SUSD1: variants seen among roughly 807,000 people sequenced by gnomAD.
The protein encoded by SUSD1 is sushi domain containing 1, also known as sushi domain-containing protein 1.
SUSD1 carries 65 observed loss-of-function variants against 86.9 expected under a neutral mutation model. The ratio of observed to expected loss-of-function variants is 0.75; its 90% CI spans 0.61 to 0.92. The LOEUF is 0.92. SUSD1 is among the 40% of genes least tolerant of loss of function. SUSD1 has a pLI of 0.00. For missense variants in SUSD1, 850 were observed against 929.7 expected, an observed-to-expected ratio of 0.91 and a Z score of 1.11; for synonymous variants, 346 against 350.0, an observed-to-expected ratio of 0.99 and a Z score of 0.13.
At chr9:112,143,691 A>G (rs1450022611) in intron 3 of SUSD1, 68 bp from the exon 4 acceptor site, 1 of 1,457,994 alleles carries the variant, frequency 6.9e-7, no homozygotes, top group African/African-American at 1.4e-5. Context: ...AGGAGAGGAT[A>G]TTGTGACAGC....
At chr9:112,045,365 C>T (rs1299171383) in intron 15 of SUSD1, among the ~76,000 whole-genome samples, 1 of 152,080 alleles carries the variant, frequency 6.6e-6, no homozygotes, top group Non-Finnish European at 1.5e-5. Flanking sequence ...GACAGAAATC[C>T]ATATCATGCA....
intron 12 of SUSD1, 51 bp from the exon 13 acceptor site, chr9:112,063,084 A>G (rs758313154): frequency 8.2e-7 from 1 of 1,222,464 alleles, no homozygotes; most frequent in South Asian, 1.2e-5. Flanking sequence ...ACAAGTAAAC[A>G]GCAGGACAAA....
intron 1 of SUSD1, among the ~76,000 whole-genome samples, chr9:112,167,964 C>A (rs1432572031): frequency 6.6e-6 from 1 of 152,174 alleles, no homozygotes; most frequent in African/African-American, 2.4e-5. Flanking sequence ...ACCATCAGAT[C>A]TTGTGAGACT....
intron 10 of SUSD1, among the ~76,000 whole-genome samples, chr9:112,081,271 G>A (rs1437616613): frequency 6.6e-6 from 1 of 152,218 alleles, no homozygotes; most frequent in African/African-American, 2.4e-5. Flanking sequence ...AGGTAAGGCT[G>A]TATTTTGTAA....
At chr9:112,058,790 T>TTTTTTTG (rs1463563587) in intron 13 of SUSD1, 104 bp from the exon 14 acceptor site, 10 of 1,438,374 alleles carry the variant, frequency 7.0e-6, no homozygotes, top group Non-Finnish European at 9.2e-6. Context: ...TCTTTCTTTG[T>TTTTTTTG]TTTTTTGTTT....
chr9:112,080,308 T>C, intron 10 of SUSD1, 143 bp from the exon 11 acceptor site: 1 of 588,962 alleles, frequency 1.7e-6, no homozygotes, highest in South Asian at 1.9e-5. Context: ...AGTCTCAAAG[T>C]AATACCACTT....
chr9:112,170,243 T>C (rs1833981629), intron 1 of SUSD1, among the ~76,000 whole-genome samples: 1 of 152,174 alleles, frequency 6.6e-6, no homozygotes, highest in Non-Finnish European at 1.5e-5. Flanking sequence ...ATTTCTCTTC[T>C]TTCCTCCTGT....
chr9:112,130,748 G>T (rs543871814), intron 5 of SUSD1, among the ~76,000 whole-genome samples: 2 of 151,778 alleles, frequency 1.3e-5, no homozygotes, highest in African/African-American at 4.8e-5. Context: ...AAGTAGCCAG[G>T]CAAGGTGGCT....
intron 8 of SUSD1, among the ~76,000 whole-genome samples, chr9:112,108,824 AGAG>A (rs796337734): frequency 1.3e-3 from 152 of 115,276 alleles, no homozygotes; most frequent in Non-Finnish European, 2.7e-3. Flanking sequence ...AAAAAAAAAA[AGAG>A]AGAGAGAAAC....
At chr9:112,087,353 TG>T (rs557367286) in intron 10 of SUSD1, among the ~76,000 whole-genome samples, 169 of 152,232 alleles carry the variant, frequency 1.1e-3, no homozygotes, top group Middle Eastern at 3.4e-3. Flanking sequence ...GGCTAATTTT[TG>T]TATCTTTAGT....
chr9:112,165,989 G>T (rs1266057922), intron 1 of SUSD1, among the ~76,000 whole-genome samples: 1 of 151,558 alleles, frequency 6.6e-6, no homozygotes, highest in Non-Finnish European at 1.5e-5. Flanking sequence ...AAGAAAGAAA[G>T]AAAGAAAATA....
chr9:112,056,116 A>G (rs1188221148), intron 14 of SUSD1, among the ~76,000 whole-genome samples: 1 of 152,186 alleles, frequency 6.6e-6, no homozygotes, highest in Non-Finnish European at 1.5e-5. Flanking sequence ...AAAATTAAAA[A>G]TTAGCCAGTC....
rs370864233 is a variant in SUSD1 at position 112,094,033 on chromosome 9, G to A, written c.1474+4437C>T. Among the ~76,000 whole-genome samples, 5 of 152,180 alleles carry A rather than the reference G, an allele frequency of 3.3e-5. No individual in the cohort carries two copies. In the East Asian group the frequency reaches 5.8e-4, roughly 18 times the overall value. ...AAGGTTTATGTGGTTAGAGCAATGC[G>A]ACTCAAAATGTGGACTGACAATATC... On this transcript the variant is annotated intron_variant, in intron 10 of 16. Coordinates refer to ENST00000374270, the MANE Select transcript of SUSD1 (RefSeq NM_022486.5).
intron 1 of SUSD1, among the ~76,000 whole-genome samples, chr9:112,172,687 CCCTTGCA>C (rs1834096305): frequency 6.6e-6 from 1 of 152,202 alleles, no homozygotes; most frequent in Admixed American, 6.5e-5. Flanking sequence ...CCCTTCTGTT[CCCTTGCA>C]CCTTCATATC....
intron 2 of SUSD1, among the ~76,000 whole-genome samples, chr9:112,151,296 T>G (rs1195791320): frequency 6.6e-6 from 1 of 152,126 alleles, no homozygotes; most frequent in Non-Finnish European, 1.5e-5. Context: ...TACACTAAAT[T>G]TATAAAAGTA....
intron 5 of SUSD1, among the ~76,000 whole-genome samples, chr9:112,141,758 A>T (rs921031955): frequency 2.1e-5 from 3 of 145,938 alleles, no homozygotes; most frequent in Non-Finnish European, 3.0e-5. Flanking sequence ...TGTAATATAT[A>T]ATATATAATA....
chr9:112,152,751 C>CTTTTTTTTT (rs71382410), intron 2 of SUSD1, among the ~76,000 whole-genome samples: 13 of 87,478 alleles, frequency 1.5e-4, no homozygotes, highest in African/African-American at 2.0e-4. Context: ...TTTTTTTAAT[C>CTTTTTTTTT]TTTTTTTTTT....
At chr9:112,101,102 C>T (rs974522347) in intron 9 of SUSD1, among the ~76,000 whole-genome samples, 1 of 151,986 alleles carries the variant, frequency 6.6e-6, no homozygotes, top group Admixed American at 6.6e-5. Flanking sequence ...TGGCTCACAC[C>T]TGTAATCCCA....
intron 3 of SUSD1, among the ~76,000 whole-genome samples, chr9:112,148,004 T>C (rs536512876): frequency 2.0e-5 from 3 of 152,228 alleles, no homozygotes; most frequent in Non-Finnish European, 4.4e-5. Flanking sequence ...ATAAATCAAA[T>C]GTATCCTTTG....
Sources: allele counts gnomAD v4.1 joint callset (sites outside exome capture counted in the v4.1 genomes callset), GRCh38; gene constraint gnomAD v4.1.1; transcripts MANE v1.5; gene names NCBI Gene and HGNC (gene_info 2026-07-23, HGNC 2026-07-21).